MLIP: variants seen among roughly 807,000 people sequenced by gnomAD.
MLIP encodes the protein muscular LMNA interacting protein, also known as muscular LMNA-interacting protein.
Under a neutral mutation model 84.8 loss-of-function variants are expected in MLIP, and 79 were observed. The observed-to-expected ratio is 0.93, with a 90% CI of 0.78 to 1.12. The LOEUF (loss-of-function observed/expected upper bound fraction) is 1.12, where lower values mean the gene tolerates loss of function less well. Among genes scored for constraint, MLIP ranks in the 50% most tolerant of loss-of-function variants. The pLI is 0.00. For synonymous variants in MLIP, 504 were observed against 463.0 expected (o/e 1.09, Z -1.14); for missense variants, 1,257 against 1,160.6 (o/e 1.08, Z -1.21).
At chr6:54,224,962 A>G (rs920505895) in intron 11 of MLIP, among the ~76,000 whole-genome samples, 1 of 152,184 alleles carries the variant, frequency 6.6e-6, no homozygotes, top group African/African-American at 2.4e-5. Flanking sequence ...TAGTGTATAT[A>G]TACCACAGTT....
intron 1 of MLIP, among the ~76,000 whole-genome samples, chr6:54,080,568 C>T (rs938605908): frequency 7.7e-4 from 117 of 151,650 alleles, no homozygotes; most frequent in African/African-American, 2.3e-3. Flanking sequence ...TATTATACAG[C>T]GATAGTTTTG....
chr6:54,259,808 C>A (rs758147744), intron 13 of MLIP, among the ~76,000 whole-genome samples: 1 of 151,834 alleles, frequency 6.6e-6, no homozygotes, highest in Admixed American at 6.6e-5. Flanking sequence ...AATATTGGCA[C>A]ATTTTGGAGC....
intron 1 of MLIP, among the ~76,000 whole-genome samples, chr6:54,096,985 C>T (rs1021851522): frequency 2.6e-5 from 4 of 152,096 alleles, no homozygotes; most frequent in Non-Finnish European, 4.4e-5. Flanking sequence ...ACAGGAAGGA[C>T]AGGAAATGGA....
At chr6:54,259,312 A>C (rs1196125288) in intron 13 of MLIP, among the ~76,000 whole-genome samples, 3 of 151,884 alleles carry the variant, frequency 2.0e-5, no homozygotes, top group African/African-American at 7.2e-5. Flanking sequence ...TAGAAGAATG[A>C]TTAAATAGAT....
At chr6:54,145,201 T>A (rs1772675650) in intron 4 of MLIP, among the ~76,000 whole-genome samples, 1 of 152,206 alleles carries the variant, frequency 6.6e-6, no homozygotes, top group Non-Finnish European at 1.5e-5. Flanking sequence ...AACCCTGTAA[T>A]TCCACATTAG....
At chr6:54,117,969 G>GCAA (rs34572556) in intron 1 of MLIP, among the ~76,000 whole-genome samples, 152 of 149,626 alleles carry the variant, frequency 1.0e-3, no homozygotes, top group Middle Eastern at 3.5e-3. Context: ...AACAACAACA[G>GCAA]CAACAACAAC....
intron 3 of MLIP, among the ~76,000 whole-genome samples, chr6:54,129,223 C>G (rs1026772357): frequency 1.3e-5 from 2 of 152,128 alleles, no homozygotes; most frequent in Middle Eastern, 3.4e-3. Flanking sequence ...ACCCCCAGGC[C>G]TCAACTTTAT....
At chr6:54,029,790 C>G (rs1764021664) in intron 1 of MLIP, among the ~76,000 whole-genome samples, 1 of 152,104 alleles carries the variant, frequency 6.6e-6, no homozygotes, top group East Asian at 1.9e-4. Flanking sequence ...AATCTTTACT[C>G]TTTTTCTTAG....
intron 9 of MLIP, among the ~76,000 whole-genome samples, chr6:54,171,299 A>G (rs921536362): frequency 6.6e-6 from 1 of 151,690 alleles, no homozygotes; most frequent in African/African-American, 2.4e-5. Context: ...ACCATCAAAC[A>G]GGTTCAGTAT....
chr6:54,208,109 C>T (rs1205552044), intron 11 of MLIP, among the ~76,000 whole-genome samples: 5 of 152,016 alleles, frequency 3.3e-5, no homozygotes, highest in Non-Finnish European at 1.5e-5. Flanking sequence ...GGCTGGGCAA[C>T]AGAGCGAGAC....
intron 11 of MLIP, among the ~76,000 whole-genome samples, chr6:54,214,003 T>C (rs1291612549): frequency 6.6e-6 from 1 of 152,176 alleles, no homozygotes; most frequent in Admixed American, 6.5e-5. Context: ...TTTTATGTGC[T>C]TTTATAAAGA....
chr6:54,201,335 T>C (rs1179420849), intron 10 of MLIP, among the ~76,000 whole-genome samples: 2 of 152,122 alleles, frequency 1.3e-5, no homozygotes, highest in African/African-American at 4.8e-5. Flanking sequence ...GGAAAGAACG[T>C]CAGGAAAGGA....
At chr6:54,045,493 A>G (rs1013610430) in intron 1 of MLIP, 3 of 152,146 alleles carry the variant, frequency 2.0e-5, no homozygotes, top group African/African-American at 7.2e-5. Context: ...ATGCTGGTAG[A>G]CTTGTCATGA....
At chr6:54,095,836 C>T (rs986083175) in intron 1 of MLIP, among the ~76,000 whole-genome samples, 9 of 152,104 alleles carry the variant, frequency 5.9e-5, no homozygotes, top group African/African-American at 2.2e-4. Flanking sequence ...AATTTGCTTT[C>T]ATGGTCTCAA....
At chr6:54,100,294 T>C (rs1406714646) in intron 1 of MLIP, among the ~76,000 whole-genome samples, 1 of 54,376 alleles carries the variant, frequency 1.8e-5, no homozygotes, top group Non-Finnish European at 3.7e-5. Context: ...GCTTGATAAG[T>C]ACATAAAGTG....
intron 10 of MLIP, among the ~76,000 whole-genome samples, chr6:54,193,104 G>A (rs568412275): frequency 1.3e-5 from 2 of 152,264 alleles, no homozygotes; most frequent in South Asian, 2.1e-4. Flanking sequence ...AAATATTTCC[G>A]TTGTTTACTC....
intron 9 of MLIP, among the ~76,000 whole-genome samples, chr6:54,175,417 C>A (rs923880388): frequency 6.6e-6 from 1 of 151,660 alleles, no homozygotes; most frequent in South Asian, 2.1e-4. Context: ...TCTTCAATTT[C>A]TTTCATCAGC....
intron 8 of MLIP, among the ~76,000 whole-genome samples, chr6:54,168,547 C>T (rs1369804869): frequency 7.2e-5 from 11 of 151,746 alleles, no homozygotes; most frequent in Non-Finnish European, 1.5e-4. Context: ...AATGGCAGGA[C>T]ATCTTTGTCT....
At chr6:54,177,616 C>G (rs908214033) in intron 9 of MLIP, among the ~76,000 whole-genome samples, 6 of 152,018 alleles carry the variant, frequency 3.9e-5, no homozygotes, top group Non-Finnish European at 5.9e-5. Flanking sequence ...TTACTTCAAC[C>G]ATTGTGGAAG....
Sources: allele counts gnomAD v4.1 joint callset (sites outside exome capture counted in the v4.1 genomes callset), GRCh38; gene constraint gnomAD v4.1.1; transcripts MANE v1.5; gene names NCBI Gene and HGNC (gene_info 2026-07-23, HGNC 2026-07-21).